AKAP6: variants seen among roughly 807,000 people sequenced by gnomAD.
The protein encoded by AKAP6 is A-kinase anchoring protein 6.
Under a neutral mutation model 188.5 loss-of-function variants are expected in AKAP6, and 58 were observed. The observed-to-expected ratio is 0.31, with a 90% confidence interval of 0.25 to 0.38. The LOEUF (loss-of-function observed/expected upper bound fraction) is 0.38. AKAP6 is among the 10% of genes least tolerant of loss of function. AKAP6 has a pLI of 1.00. For synonymous variants in AKAP6, 989 were observed against 998.6 expected (o/e 0.99, Z 0.18); for missense variants, 2,710 against 2,740.0 (o/e 0.99, Z 0.24).
chr14:32,336,627 G>T (rs1886711875), intron 1 of AKAP6, among the ~76,000 whole-genome samples: 1 of 152,112 alleles, frequency 6.6e-6, no homozygotes, highest in Non-Finnish European at 1.5e-5. Flanking sequence ...AACATACCTT[G>T]ACATGGAGCT....
intron 4 of AKAP6, among the ~76,000 whole-genome samples, chr14:32,547,300 A>G (rs528314639): frequency 6.6e-6 from 1 of 152,220 alleles, no homozygotes; most frequent in Non-Finnish European, 1.5e-5. Context: ...TGGATCTAAT[A>G]CAAAATTAAA....
chr14:32,436,855 G>C (rs534204431), intron 2 of AKAP6, among the ~76,000 whole-genome samples: 2 of 152,264 alleles, frequency 1.3e-5, no homozygotes, highest in African/African-American at 4.8e-5. Flanking sequence ...AGAATCACCT[G>C]AGCCTGGGAA....
chr14:32,793,645 G>C (rs2033676355), intron 12 of AKAP6, among the ~76,000 whole-genome samples: 1 of 151,442 alleles, frequency 6.6e-6, no homozygotes, highest in Non-Finnish European at 1.5e-5. Context: ...AAGATACTCA[G>C]GACCCAAACT....
chr14:32,805,071 T>C (rs2140099966), intron 12 of AKAP6, among the ~76,000 whole-genome samples: 1 of 152,312 alleles, frequency 6.6e-6, no homozygotes, highest in South Asian at 2.1e-4. Context: ...TTAACACAAT[T>C]ATCACAATGG....
chr14:32,467,803 A>G (rs1332218805), intron 2 of AKAP6, among the ~76,000 whole-genome samples: 1 of 151,944 alleles, frequency 6.6e-6, no homozygotes, highest in African/African-American at 2.4e-5. Context: ...GAGACCCCCA[A>G]TATTTCCCTC....
At chr14:32,757,093 C>T (rs76961950) in intron 11 of AKAP6, among the ~76,000 whole-genome samples, 1,662 of 152,244 alleles carry the variant, frequency 0.011, 31 homozygotes, top group African/African-American at 0.038. Flanking sequence ...GGGTGTCTTT[C>T]CATGTTGTGC....
At position 32,511,231 on chromosome 14, in the gene AKAP6, G is replaced by C. The variant is rs1881243159; in HGVS notation, c.325-24323G>C. ...TTCAGGCCAGACCTCTGTACATCTA[G>C]CTTTCTCTGTCTTCCAGAGTCTGAT... On this transcript the variant is annotated intron_variant, in intron 2 of 13. Transcript: ENST00000280979. 2.0e-5 allele frequency among the ~76,000 whole-genome samples: 3 copies of C among 152,166 alleles called. No homozygotes were observed. The South Asian group carries it at 6.2e-4, about 32-fold the overall frequency.
rs779414935 is a variant in AKAP6 at position 32,492,353 on chromosome 14, T to TAG, written c.325-43200_325-43199insGA. 3.3e-4 allele frequency among the ~76,000 whole-genome samples: 17 copies of TAG among 52,276 alleles called. No homozygotes were observed. In the East Asian group the frequency reaches 4.2e-3, roughly 13 times the overall value. 34.3% of individuals were successfully genotyped at this position (52,276 alleles called of 152,430 possible). On this transcript the variant is annotated intron_variant, in intron 2 of 13. Transcript: ENST00000280979. ...CTACATTGTAATATATATATATATA[T>TAG]ATAGAGAGAGAGAGAGAGAGAGAGA... is the stretch of plus-strand genomic sequence containing the variant.
chr14:32,589,133 G>T (rs1455292952), intron 5 of AKAP6, among the ~76,000 whole-genome samples: 2 of 152,190 alleles, frequency 1.3e-5, no homozygotes, highest in African/African-American at 2.4e-5. Context: ...TCATTTGGCT[G>T]TGCTGCTCAG....
At chr14:32,685,082 C>T (rs1041129287) in intron 8 of AKAP6, among the ~76,000 whole-genome samples, 1 of 115,558 alleles carries the variant, frequency 8.7e-6, no homozygotes, top group Non-Finnish European at 1.7e-5. Flanking sequence ...ATAGTAAGAC[C>T]CCCCCCTACC....
intron 1 of AKAP6, among the ~76,000 whole-genome samples, chr14:32,429,969 A>G (rs1890160088): frequency 6.6e-6 from 1 of 152,206 alleles, no homozygotes; most frequent in Admixed American, 6.5e-5. Context: ...GTCAGTCTTA[A>G]GTGGCAAACT....
chr14:32,804,966 C>T (rs1215236889), intron 12 of AKAP6, among the ~76,000 whole-genome samples: 4 of 152,126 alleles, frequency 2.6e-5, no homozygotes, highest in Admixed American at 2.6e-4. Context: ...TGGTTGTCTT[C>T]CCTTGTTCCC....
At chr14:32,340,128 T>C (rs1337377217) in intron 1 of AKAP6, among the ~76,000 whole-genome samples, 1 of 151,952 alleles carries the variant, frequency 6.6e-6, no homozygotes, top group African/African-American at 2.4e-5. Context: ...CATAACAAGC[T>C]GAATAAGAAA....
chr14:32,735,191 C>A (rs2031357444), intron 10 of AKAP6, among the ~76,000 whole-genome samples: 1 of 152,090 alleles, frequency 6.6e-6, no homozygotes, highest in African/African-American at 2.4e-5. Flanking sequence ...GAATTTAATT[C>A]TCCGTGTTTG....
chr14:32,604,817 T>A (rs1886067332), intron 7 of AKAP6, among the ~76,000 whole-genome samples: 1 of 152,172 alleles, frequency 6.6e-6, no homozygotes, highest in African/African-American at 2.4e-5. Flanking sequence ...CAAGACTTCA[T>A]TTTCTTGTTT....
intron 1 of AKAP6, among the ~76,000 whole-genome samples, chr14:32,391,473 C>T (rs1888712753): frequency 1.3e-5 from 2 of 152,140 alleles, no homozygotes; most frequent in South Asian, 4.1e-4. Context: ...ATGTGAAAAT[C>T]CAGTATATTA....
intron 2 of AKAP6, among the ~76,000 whole-genome samples, chr14:32,470,345 C>A (rs777072472): frequency 2.2e-4 from 34 of 152,152 alleles, no homozygotes; most frequent in Admixed American, 1.2e-3. Context: ...CCTACCCATC[C>A]CTGCCAGAAG....
chr14:32,453,234 G>C (rs1890996152), intron 2 of AKAP6, among the ~76,000 whole-genome samples: 1 of 152,192 alleles, frequency 6.6e-6, no homozygotes, highest in South Asian at 2.1e-4. Context: ...TCATTCTACA[G>C]ATGAGAAAGC....
chr14:32,483,849 T>C (rs1879508801), intron 2 of AKAP6, among the ~76,000 whole-genome samples: 1 of 151,972 alleles, frequency 6.6e-6, no homozygotes, highest in Non-Finnish European at 1.5e-5. Flanking sequence ...TTACATAGTA[T>C]ACATGGGCTA....
Sources: allele counts gnomAD v4.1 joint callset (sites outside exome capture counted in the v4.1 genomes callset), GRCh38; gene constraint gnomAD v4.1.1; transcripts MANE v1.5; gene names NCBI Gene and HGNC (gene_info 2026-07-23, HGNC 2026-07-21).